The following EPHA6 variants were observed in gnomAD, a reference collection of about 807,000 sequenced individuals.
The protein encoded by EPHA6 is EPH receptor A6.
Under a neutral mutation model 112.0 loss-of-function variants are expected in EPHA6, and 50 were observed. The observed-to-expected ratio is 0.45, with a 90% CI of 0.36 to 0.56. EPHA6 has a LOEUF of 0.56. Ranked by LOEUF, EPHA6 falls within the 20% of genes least tolerant of loss-of-function variation. The pLI is 0.00. For synonymous variants in EPHA6, 529 were observed against 490.7 expected, an observed-to-expected ratio of 1.08 and a Z score of -1.03; for missense variants, 1,280 against 1,417.4, an observed-to-expected ratio of 0.90 and a Z score of 1.56.
At chr3:97,018,474 C>A (rs1296612976) in intron 3 of EPHA6, among the ~76,000 whole-genome samples, 1 of 152,174 alleles carries the variant, frequency 6.6e-6, no homozygotes, top group African/African-American at 2.4e-5. Context: ...AGTGAGCCAT[C>A]TCCAATGATA....
intron 3 of EPHA6, among the ~76,000 whole-genome samples, chr3:97,027,115 G>T (rs1366824886): frequency 6.6e-6 from 1 of 152,122 alleles, no homozygotes; most frequent in African/African-American, 2.4e-5. Flanking sequence ...GCCATAAAAA[G>T]GAATGCAATT....
At chr3:97,188,678 G>A (rs530545977) in intron 3 of EPHA6, among the ~76,000 whole-genome samples, 1 of 151,788 alleles carries the variant, frequency 6.6e-6, no homozygotes, top group South Asian at 2.1e-4. Flanking sequence ...ATAAGTAATG[G>A]TAAATTTGTA....
chr3:96,990,217 A>AT (rs887015111), intron 3 of EPHA6, among the ~76,000 whole-genome samples: 14 of 151,792 alleles, frequency 9.2e-5, no homozygotes, highest in East Asian at 1.9e-4. Context: ...TGATGTCTAG[A>AT]TTTTTTTTTA....
chr3:97,535,797 T>C (rs1212805734), intron 11 of EPHA6, among the ~76,000 whole-genome samples: 1 of 152,154 alleles, frequency 6.6e-6, no homozygotes, highest in Non-Finnish European at 1.5e-5. Context: ...TAATTCAAAA[T>C]CTAGATCAAA....
chr3:96,826,412 A>G (rs2033661242), intron 1 of EPHA6, among the ~76,000 whole-genome samples: 1 of 152,034 alleles, frequency 6.6e-6, no homozygotes, highest in Non-Finnish European at 1.5e-5. Context: ...GCACTAGAAT[A>G]TTAAGAGGCT....
chr3:97,424,445 G>T (rs1447444541), intron 6 of EPHA6, among the ~76,000 whole-genome samples: 1 of 152,026 alleles, frequency 6.6e-6, no homozygotes, highest in Non-Finnish European at 1.5e-5. Flanking sequence ...AAACGATAAT[G>T]ATCATAGTCC....
intron 14 of EPHA6, among the ~76,000 whole-genome samples, chr3:97,640,796 G>T (rs78914753): frequency 0.018 from 2,663 of 151,836 alleles, 113 homozygotes; most frequent in Admixed American, 0.094. Context: ...AAAAACAAAA[G>T]ATATTATTGA....
intron 10 of EPHA6, among the ~76,000 whole-genome samples, chr3:97,525,039 C>T (rs2092599113): frequency 6.6e-6 from 1 of 152,064 alleles, no homozygotes; most frequent in Admixed American, 6.6e-5. Context: ...ATGTTCATAT[C>T]CCTCCCAAGA....
intron 8 of EPHA6, 46 bp downstream of exon 8, chr3:97,475,506 C>A (rs1192646251): frequency 7.6e-7 from 1 of 1,323,228 alleles, no homozygotes; most frequent in Non-Finnish European, 1.1e-6. Flanking sequence ...TGAATAACCA[C>A]TCTTTTTATA....
chr3:97,718,702 C>T lies in EPHA6; in HGVS notation c.2785-1559C>T, dbSNP rs549759502. ...GTCACCAACTTTGTAAATTTAATTCCCTAGTCTTAATTTGGTGCTGCCTTT... is the reference window on the plus strand; with the variant it reads ...GTCACCAACTTTGTAAATTTAATTCTCTAGTCTTAATTTGGTGCTGCCTTT... On this transcript the variant is annotated intron_variant, in intron 14 of 17. Transcript: ENST00000389672. Among the ~76,000 whole-genome samples, 38 of 152,158 alleles carry T rather than the reference C, an allele frequency of 2.5e-4. 1 individual carries two copies. The highest frequency in any genetic ancestry group is 8.9e-4 in the African/African-American group (37 of 41,498).
chr3:97,472,841 C>T (rs150748650), intron 7 of EPHA6, among the ~76,000 whole-genome samples: 91 of 151,822 alleles, frequency 6.0e-4, no homozygotes, highest in African/African-American at 2.0e-3. Context: ...CTAGTTAGTT[C>T]TTCTGTTAGG....
intron 2 of EPHA6, 69 bp downstream of exon 2, chr3:96,866,958 C>T (rs2036351621): frequency 1.1e-6 from 1 of 903,978 alleles, no homozygotes; most frequent in Non-Finnish European, 1.6e-6. Context: ...GTTGATGGAA[C>T]AGTGAATTTT....
At chr3:97,720,468 G>C (rs2034475923) in intron 15 of EPHA6, 58 bp downstream of exon 15, 1 of 1,457,266 alleles carries the variant, frequency 6.9e-7, no homozygotes, top group Non-Finnish European at 9.3e-7. Flanking sequence ...TTAGCTTGAG[G>C]GGGAATTATG....
chr3:97,453,134 G>C (rs2090581239), intron 7 of EPHA6, among the ~76,000 whole-genome samples: 1 of 151,626 alleles, frequency 6.6e-6, no homozygotes, highest in African/African-American at 2.4e-5. Context: ...AATTTTGCAT[G>C]TGCAGTTTTA....
intron 5 of EPHA6, among the ~76,000 whole-genome samples, chr3:97,317,212 G>A (rs2081885903): frequency 6.6e-6 from 1 of 151,634 alleles, no homozygotes; most frequent in South Asian, 2.1e-4. Flanking sequence ...TGCAGGAAAA[G>A]TATATCTCCC....
intron 11 of EPHA6, among the ~76,000 whole-genome samples, chr3:97,546,854 C>G (rs2092957553): frequency 1.3e-5 from 2 of 152,182 alleles, no homozygotes; most frequent in Non-Finnish European, 2.9e-5. Context: ...CAGTTGATCA[C>G]AGCGGCTACT....
chr3:97,092,641 G>T (rs777717583), intron 3 of EPHA6, among the ~76,000 whole-genome samples: 12 of 151,804 alleles, frequency 7.9e-5, no homozygotes, highest in Admixed American at 7.9e-4. Context: ...AAAAAAACTG[G>T]CTACCAAGGT....
chr3:97,723,876 T>C (rs553973195), intron 15 of EPHA6, among the ~76,000 whole-genome samples: 1 of 152,314 alleles, frequency 6.6e-6, no homozygotes, highest in Middle Eastern at 3.4e-3. Flanking sequence ...ACAGATCCTA[T>C]AACCAGGATT....
At chr3:96,934,700 T>C (rs1034254000) in intron 2 of EPHA6, among the ~76,000 whole-genome samples, 1 of 151,430 alleles carries the variant, frequency 6.6e-6, no homozygotes, top group Non-Finnish European at 1.5e-5. Context: ...ATTAATGGTT[T>C]ATATAAAATT....
Sources: allele counts gnomAD v4.1 joint callset (sites outside exome capture counted in the v4.1 genomes callset), GRCh38; gene constraint gnomAD v4.1.1; transcripts MANE v1.5; gene names NCBI Gene and HGNC (gene_info 2026-07-23, HGNC 2026-07-21).